OLA1: variants seen among roughly 807,000 people sequenced by gnomAD.
OLA1 encodes obg-like ATPase 1.
A neutral mutation model predicts 48.4 loss-of-function variants in OLA1; 14 were observed. The observed-to-expected ratio is 0.29, with a 90% CI of 0.19 to 0.45. OLA1 has a LOEUF of 0.45. Among genes scored for constraint, OLA1 ranks in the 20% least tolerant of loss-of-function variants. The pLI is 1.00. For missense variants in OLA1, 325 were observed against 467.1 expected (o/e 0.70, Z 2.80); for synonymous variants, 127 against 150.4 (o/e 0.84, Z 1.14).
intron 2 of OLA1, among the ~76,000 whole-genome samples, chr2:174,242,044 T>C (rs958105944): frequency 5.3e-5 from 8 of 152,242 alleles, no homozygotes; most frequent in Admixed American, 1.3e-4. Flanking sequence ...CAAAGGGATG[T>C]TGGCAGAAGT....
At chr2:174,202,219 T>C (rs1254423851) in intron 4 of OLA1, among the ~76,000 whole-genome samples, 1 of 152,166 alleles carries the variant, frequency 6.6e-6, no homozygotes, top group Non-Finnish European at 1.5e-5. Context: ...CGCACTTAGA[T>C]TGTTATATGA....
At chr2:174,197,605 G>A (rs924100937) in intron 4 of OLA1, among the ~76,000 whole-genome samples, 1 of 152,110 alleles carries the variant, frequency 6.6e-6, no homozygotes. Context: ...ACCTCTAAAT[G>A]TTCCTGTACA....
At chr2:174,084,903 C>T (rs1388392350) in intron 7 of OLA1, among the ~76,000 whole-genome samples, 1 of 152,126 alleles carries the variant, frequency 6.6e-6, no homozygotes, top group Non-Finnish European at 1.5e-5. Context: ...ATGATATTGT[C>T]AAAGAATATC....
chr2:174,161,260 C>A (rs1687004983), intron 4 of OLA1, among the ~76,000 whole-genome samples: 1 of 152,002 alleles, frequency 6.6e-6, no homozygotes, highest in Admixed American at 6.6e-5. Context: ...GTTATAGTAA[C>A]AAAAGCAAAC....
At chr2:174,214,599 T>C (rs1688319665) in intron 4 of OLA1, among the ~76,000 whole-genome samples, 1 of 152,180 alleles carries the variant, frequency 6.6e-6, no homozygotes, top group Non-Finnish European at 1.5e-5. Context: ...TTATCCTTTG[T>C]GGTTAGGGCC....
At chr2:174,247,142 G>A (rs895705394) in intron 1 of OLA1, 3 of 177,378 alleles carry the variant, frequency 1.7e-5, no homozygotes, top group African/African-American at 7.1e-5. Context: ...TGGGCAGACT[G>A]CTTGAGACCA....
At chr2:174,118,066 C>T (rs369666309) in intron 7 of OLA1, among the ~76,000 whole-genome samples, 3 of 152,012 alleles carry the variant, frequency 2.0e-5, no homozygotes, top group Non-Finnish European at 2.9e-5. Flanking sequence ...CAGGCACAGC[C>T]GGAGAAGGAG....
chr2:174,202,564 T>C (rs1688014787), intron 4 of OLA1, among the ~76,000 whole-genome samples: 1 of 152,204 alleles, frequency 6.6e-6, no homozygotes, highest in South Asian at 2.1e-4. Context: ...CTAGTGATGC[T>C]GGCAGTGCTC....
chr2:174,147,251 A>G (rs1218185817), intron 4 of OLA1, among the ~76,000 whole-genome samples: 1 of 152,088 alleles, frequency 6.6e-6, no homozygotes, highest in Admixed American at 6.5e-5. Flanking sequence ...ACATGGAGAA[A>G]ACACATCTCT....
intron 4 of OLA1, among the ~76,000 whole-genome samples, chr2:174,171,367 T>A (rs1687298402): frequency 6.6e-6 from 1 of 152,148 alleles, no homozygotes; most frequent in Admixed American, 6.5e-5. Flanking sequence ...AGACTACGCA[T>A]AGCCAAAAGA....
chr2:174,133,386 A>G (rs1052953403), intron 5 of OLA1, among the ~76,000 whole-genome samples: 3 of 152,176 alleles, frequency 2.0e-5, no homozygotes, highest in Non-Finnish European at 2.9e-5. Context: ...TCTGAGACAC[A>G]GACTCACTCT....
chr2:174,239,006 G>C (rs1184032925), intron 2 of OLA1, among the ~76,000 whole-genome samples: 1 of 152,078 alleles, frequency 6.6e-6, no homozygotes, highest in Admixed American at 6.6e-5. Flanking sequence ...AATCTATACT[G>C]ATATAAATAA....
intron 5 of OLA1, among the ~76,000 whole-genome samples, chr2:174,123,881 G>A (rs1685980762): frequency 6.6e-6 from 1 of 151,876 alleles, no homozygotes; most frequent in Non-Finnish European, 1.5e-5. Flanking sequence ...TGTATAAAAT[G>A]GACAATATTA....
chr2:174,169,210 G>A (rs1258302490), intron 4 of OLA1, among the ~76,000 whole-genome samples: 1 of 152,164 alleles, frequency 6.6e-6, no homozygotes. Context: ...CTCCCAAAGT[G>A]CTGGGATTGT....
intron 5 of OLA1, among the ~76,000 whole-genome samples, chr2:174,124,821 T>G (rs1485922968): frequency 6.6e-6 from 1 of 152,184 alleles, no homozygotes; most frequent in African/African-American, 2.4e-5. Context: ...TATCTCAATA[T>G]TTAGTATACC....
Position 174,103,786 on chromosome 2 carries a change from A to T in OLA1, c.728+19394T>A, listed in dbSNP as rs189777346. On this transcript the variant is annotated intron_variant, in intron 7 of 10. Transcript: ENST00000284719. ...CTTACAAGACAAAAAACAAAACAAA[A>T]ACAAGAGACAAGTAACCAAGATGAT... Among the ~76,000 whole-genome samples the T allele has an allele frequency of 5.4e-3, 822 of 152,240 alleles. 3 individuals are homozygous for T. The highest frequency in any genetic ancestry group is 7.5e-3 in the Non-Finnish European group (507 of 68,000).
At chr2:174,146,331 T>A (rs1686598237) in intron 4 of OLA1, among the ~76,000 whole-genome samples, 1 of 152,100 alleles carries the variant, frequency 6.6e-6, no homozygotes, top group Non-Finnish European at 1.5e-5. Context: ...TTAGCTACTT[T>A]AAAAAGAACA....
chr2:174,195,679 T>C (rs533719300), intron 4 of OLA1, among the ~76,000 whole-genome samples: 1 of 152,338 alleles, frequency 6.6e-6, no homozygotes, highest in African/African-American at 2.4e-5. Context: ...AGTTTCTGTA[T>C]GCCAACTATT....
chr2:174,213,814 A>G (rs1688300234), intron 4 of OLA1, among the ~76,000 whole-genome samples: 1 of 152,292 alleles, frequency 6.6e-6, no homozygotes, highest in East Asian at 1.9e-4. Context: ...CTATCATAAA[A>G]GTTTTTTAAA....
Sources: gnomAD v4.1 joint callset for allele counts (sites outside exome capture counted in the v4.1 genomes callset) on GRCh38, gnomAD v4.1.1 for gene constraint, MANE v1.5 for transcripts, NCBI Gene and HGNC (gene_info 2026-07-23, HGNC 2026-07-21) for gene names.